ERICH1: variants seen among roughly 807,000 people sequenced by gnomAD.
The protein encoded by ERICH1 is glutamate rich 1.
Under a neutral mutation model 39.6 loss-of-function variants are expected in ERICH1, and 56 were observed. The observed-to-expected ratio is 1.41, with a 90% CI of 1.14 to 1.77. The LOEUF is 1.77. Ranked by LOEUF, ERICH1 falls within the 40% of genes most tolerant of loss-of-function variation. The pLI is 0.00. For missense variants in ERICH1, 826 were observed against 575.4 expected (o/e 1.44, Z -4.45); for synonymous variants, 313 against 223.6 (o/e 1.40, Z -3.57).
intron 3 of ERICH1, among the ~76,000 whole-genome samples, chr8:636,085 C>A (rs1808929153): frequency 6.6e-6 from 1 of 152,228 alleles, no homozygotes; most frequent in Non-Finnish European, 1.5e-5. Context: ...AGCTGGGATC[C>A]TGTTAATAGC....
chr8:652,265 T>C (rs1038967785), intron 3 of ERICH1, among the ~76,000 whole-genome samples: 2 of 151,976 alleles, frequency 1.3e-5, no homozygotes, highest in Admixed American at 1.3e-4. Context: ...GGTTACGTGA[T>C]GGAGGGAGAA....
chr8:658,374 G>A (rs1312865224), intron 3 of ERICH1, among the ~76,000 whole-genome samples: 1 of 152,196 alleles, frequency 6.6e-6, no homozygotes, highest in African/African-American at 2.4e-5. Context: ...GGTCAGGCCA[G>A]AGCCCCGGAA....
At chr8:659,779 TGC>T (rs1331594066), downstream of ERICH1, among the ~76,000 whole-genome samples, 142 of 25,612 alleles carry the variant, frequency 5.5e-3, 8 homozygotes, top group African/African-American at 0.037. Flanking sequence ...ATCTCCAGTG[TGC>T]ACTGACCATC....
In ERICH1 at chr8:655,975, C is replaced by G. The variant is rs547951080; in HGVS notation, c.976+12623G>C. 5.3e-5 allele frequency among the ~76,000 whole-genome samples: 8 copies of G among 152,190 alleles called. No individual in the cohort carries two copies. The East Asian group carries it at 1.6e-3, about 30-fold the overall frequency. On this transcript the variant is annotated intron_variant, in intron 3 of 3. Transcript: ENST00000522706. ...GTCCCTCCCCCTGCCCAGGTGGACA[C>G]CAGGGGCTCCCTCTTCAGCCTCCGC...
At chr8:717,196 A>C (rs1049378352) in intron 1 of ERICH1, among the ~76,000 whole-genome samples, 2 of 152,144 alleles carry the variant, frequency 1.3e-5, no homozygotes, top group African/African-American at 4.8e-5. Flanking sequence ...TAAGTGGAAA[A>C]CCTGAACTGA....
intron 3 of ERICH1, among the ~76,000 whole-genome samples, chr8:621,717 G>C (rs1288907858): frequency 6.6e-6 from 1 of 152,028 alleles, no homozygotes; most frequent in Non-Finnish European, 1.5e-5. Context: ...GAAAGAAAGA[G>C]AGGGACTAAA....
At position 645,642 on chromosome 8, in the gene ERICH1, C is replaced by T. The variant is rs1307589385; in HGVS notation, c.976+22956G>A. 8.8e-5 allele frequency among the ~76,000 whole-genome samples: 6 copies of T among 67,880 alleles called. 2 individuals carry two copies. The highest frequency in any genetic ancestry group is 2.8e-4 in the Non-Finnish European group (6 of 21,742). 44.5% of individuals were successfully genotyped at this position (67,880 alleles called of 152,430 possible). On this transcript the variant is annotated intron_variant, in intron 3 of 3. Coordinates refer to the ERICH1 transcript ENST00000522706. ...GAAGGCCTCCGTGGTATCAGGGAGG[C>T]GACCGTGGAGGCTTGGGAGTTGGCA...
chr8:640,418 AT>A (rs1798851142), intron 3 of ERICH1, among the ~76,000 whole-genome samples: 1 of 152,108 alleles, frequency 6.6e-6, no homozygotes, highest in Non-Finnish European at 1.5e-5. Flanking sequence ...CTGTAATGAG[AT>A]TTTACTATGA....
chr8:693,131 A>G (rs1378231616), intron 2 of ERICH1, among the ~76,000 whole-genome samples: 1 of 152,062 alleles, frequency 6.6e-6, no homozygotes, highest in Admixed American at 6.5e-5. Context: ...ACAGAGACAC[A>G]CACAGATACA....
intron 1 of ERICH1, among the ~76,000 whole-genome samples, chr8:727,063 G>A (rs11782509): frequency 0.16 from 23,518 of 142,718 alleles, 2,314 homozygotes; most frequent in Middle Eastern, 0.32. Context: ...ATGCACACAC[G>A]TACACATACA....
rs944897062 is a variant in ERICH1 at position 625,798 on chromosome 8, G to A, written c.977-10514C>T. The A allele has an allele frequency of 3.9e-5, 6 of 152,166 alleles. No individual in the cohort carries two copies. In the East Asian group the frequency reaches 9.6e-4, roughly 24 times the overall value. 9.4% of individuals were successfully genotyped at this position (152,166 alleles called of 1,614,324 possible). On this transcript the variant is annotated intron_variant, in intron 3 of 3. Transcript: ENST00000522706. ...TCGTTGACTTGTGTCCCGCCTCGCC[G>A]GGCAATGATGTATGTGTGGAGCGCA...
intron 3 of ERICH1, among the ~76,000 whole-genome samples, chr8:678,354 C>A (rs190958809): frequency 6.6e-6 from 1 of 152,136 alleles, no homozygotes; most frequent in Non-Finnish European, 1.5e-5. Context: ...TGAAAGGATA[C>A]TGCACACAAC....
At chr8:634,748 A>C (rs1798293084) in intron 3 of ERICH1, among the ~76,000 whole-genome samples, 1 of 152,172 alleles carries the variant, frequency 6.6e-6, no homozygotes, top group African/African-American at 2.4e-5. Context: ...CCCACGCGGG[A>C]TGACCTTGGC....
At position 673,966 on chromosome 8, in the gene ERICH1, A is replaced by G. The variant is rs767459815; in HGVS notation, c.386T>C (p.Val129Ala). ...CTCTAATTCTGCTTGTTCTATAAGA[A>G]CATTATTGGGATTTTTAAATTTTTT... ...SKKKFKNPNN[V>A]LIEQAELEKQ... Residue 129 changes from valine to alanine, a missense_variant, in exon 4 of 6, where the codon GTT (valine) becomes GCT (alanine). Coordinates refer to ENST00000262109, the MANE Select transcript of ERICH1 (RefSeq NM_207332.3). 1 of 1,599,060 alleles carries G rather than the reference A, an allele frequency of 6.3e-7. No homozygotes were observed. Among genetic ancestry groups the G allele is most frequent in the African/African-American group, 1.4e-5 (1 of 73,982 alleles).
chr8:640,805 C>CA (rs1798892432), intron 3 of ERICH1: 2 of 152,128 alleles, frequency 1.3e-5, no homozygotes, highest in Admixed American at 1.3e-4. Context: ...GAAGATCTTC[C>CA]AATTTGATTT....
Position 715,976 on chromosome 8 carries a change from A to C in ERICH1, c.54T>G (p.Phe18Leu). Residue 18 changes from phenylalanine (F) to leucine (L), a missense_variant, in exon 2 of 6, where the codon TTT (phenylalanine) becomes TTG (leucine). Transcript: ENST00000262109. ...VFVEKVLQRL[F>L]PPVPSGQGKR... ...TTCCTTGGCCACTTGGAACAGGAGGAAAAAGTCTCTGCAGCACCTTCTCCA... is the reference window on the plus strand; with the variant it reads ...TTCCTTGGCCACTTGGAACAGGAGGCAAAAGTCTCTGCAGCACCTTCTCCA... 1 of 1,613,034 alleles carries C rather than the reference A, an allele frequency of 6.2e-7. No homozygotes were observed. The highest frequency in any genetic ancestry group is 8.5e-7 in the Non-Finnish European group (1 of 1,179,634).
chr8:695,372 C>T (rs1016761028), intron 2 of ERICH1, among the ~76,000 whole-genome samples: 1 of 152,076 alleles, frequency 6.6e-6, no homozygotes, highest in African/African-American at 2.4e-5. Flanking sequence ...CCACAGGTAC[C>T]TGCACACCAT....
intron 3 of ERICH1, among the ~76,000 whole-genome samples, chr8:620,518 C>T (rs939694003): frequency 2.4e-4 from 36 of 152,150 alleles, no homozygotes; most frequent in African/African-American, 8.7e-4. Flanking sequence ...GCAATGTACA[C>T]TGACCTCCTA....
chr8:643,171 C>A (rs1280911359), intron 3 of ERICH1, among the ~76,000 whole-genome samples: 1 of 152,234 alleles, frequency 6.6e-6, no homozygotes, highest in Non-Finnish European at 1.5e-5. Flanking sequence ...CTGCTTCACA[C>A]CTGGTGCCCA....
Sources: allele counts gnomAD v4.1 joint callset (sites outside exome capture counted in the v4.1 genomes callset), GRCh38; gene constraint gnomAD v4.1.1; transcripts MANE v1.5; gene names NCBI Gene and HGNC (gene_info 2026-07-23, HGNC 2026-07-21).